Variants in LETM1 observed in about 807,000 individuals in gnomAD.
LETM1 encodes leucine zipper and EF-hand containing transmembrane protein 1.
In LETM1, 50 loss-of-function variants were observed where a neutral mutation model predicts 74.5. That is an observed-to-expected ratio of 0.67 (90% CI 0.53 to 0.85). The LOEUF (loss-of-function observed/expected upper bound fraction) is 0.85, where lower values mean the gene tolerates loss of function less well. Among genes scored for constraint, LETM1 ranks in the 40% least tolerant of loss-of-function variants. LETM1 has a pLI of 0.00. For synonymous variants in LETM1, 446 were observed against 407.1 expected (o/e 1.10, Z -1.15); for missense variants, 824 against 967.8 (o/e 0.85, Z 1.97).
intron 11 of LETM1, among the ~76,000 whole-genome samples, chr4:1,817,217 C>T (rs1484062718): frequency 7.2e-6 from 1 of 139,672 alleles, no homozygotes; most frequent in East Asian, 2.1e-4. Flanking sequence ...CGCACTCCAG[C>T]CTGGGCAACA....
intron 1 of LETM1, among the ~76,000 whole-genome samples, chr4:1,854,387 G>A (rs1322375683): frequency 6.6e-6 from 1 of 151,938 alleles, no homozygotes; most frequent in Non-Finnish European, 1.5e-5. Flanking sequence ...GGCTGAGGCA[G>A]GAGAATCGCT....
At chr4:1,814,821 T>C (rs753134063) in intron 13 of LETM1, among the ~76,000 whole-genome samples, 2 of 152,076 alleles carry the variant, frequency 1.3e-5, no homozygotes, top group Non-Finnish European at 2.9e-5. Flanking sequence ...GACAGCACAA[T>C]GGGGCTGCCA....
At chr4:1,833,169 T>C (rs1165021695) in intron 5 of LETM1, 1 of 548,642 alleles carries the variant, frequency 1.8e-6, no homozygotes, top group African/African-American at 1.9e-5. Flanking sequence ...CCTCCTGGGT[T>C]CAAGGGATTC....
At chr4:1,832,552 C>T (rs1577318806) in intron 6 of LETM1, among the ~76,000 whole-genome samples, 192 bp downstream of exon 6, 1 of 152,108 alleles carries the variant, frequency 6.6e-6, no homozygotes, top group African/African-American at 2.4e-5. Flanking sequence ...AGAGATCATC[C>T]GAGAAGGTGC....
At chr4:1,818,512 C>T (rs1325548366) in intron 11 of LETM1, among the ~76,000 whole-genome samples, 1 of 151,664 alleles carries the variant, frequency 6.6e-6, no homozygotes, top group South Asian at 2.1e-4. Context: ...ACTCAGGAGG[C>T]TGAGGCAGAA....
At chr4:1,844,756 A>G (rs1236916511) in intron 2 of LETM1, among the ~76,000 whole-genome samples, 1 of 151,492 alleles carries the variant, frequency 6.6e-6, no homozygotes, top group Admixed American at 6.6e-5. Context: ...AAAAAAAAAA[A>G]TGCTCTATCA....
At chr4:1,822,033 G>T in intron 10 of LETM1, 148 bp downstream of exon 10, 1 of 765,230 alleles carries the variant, frequency 1.3e-6, no homozygotes, top group Non-Finnish European at 1.9e-6. Flanking sequence ...GGGGCCCAGT[G>T]GCCTCATCCT....
At chr4:1,816,970 G>T (rs560625800) in intron 11 of LETM1, 56 bp from the exon 12 acceptor site, 12 of 1,449,722 alleles carry the variant, frequency 8.3e-6, no homozygotes, top group African/African-American at 2.8e-5. Context: ...AGGGGGTCAG[G>T]TGTAGTGGCT....
intron 6 of LETM1, among the ~76,000 whole-genome samples, chr4:1,828,303 G>A (rs1303047055): frequency 2.3e-5 from 3 of 128,386 alleles, no homozygotes; most frequent in East Asian, 2.5e-4. Flanking sequence ...CCTCCCGGAC[G>A]GGGCGGCTGG....
intron 2 of LETM1, among the ~76,000 whole-genome samples, chr4:1,844,763 A>G (rs1712820092): frequency 6.6e-6 from 1 of 151,298 alleles, no homozygotes; most frequent in South Asian, 2.1e-4. Flanking sequence ...AAAATGCTCT[A>G]TCAGCTGGGC....
chr4:1,821,604 C>G (rs1412027947), intron 10 of LETM1, among the ~76,000 whole-genome samples: 2 of 152,168 alleles, frequency 1.3e-5, no homozygotes, highest in Admixed American at 6.5e-5. Flanking sequence ...AGAAGAGTTG[C>G]TTGAACCTGG....
intron 3 of LETM1, among the ~76,000 whole-genome samples, chr4:1,838,452 G>C (rs1212715356): frequency 6.6e-6 from 1 of 152,114 alleles, no homozygotes; most frequent in Non-Finnish European, 1.5e-5. Flanking sequence ...CGAGGCAGCA[G>C]GACTGCTTGA....
At chr4:1,815,049 C>T (rs1214280404) in intron 13 of LETM1, among the ~76,000 whole-genome samples, 2 of 152,250 alleles carry the variant, frequency 1.3e-5, no homozygotes, top group Non-Finnish European at 2.9e-5. Context: ...CTGATGCATG[C>T]ACCGGGAGCC....
At position 1,823,012 on chromosome 4, in the gene LETM1, C is replaced by T. The variant is rs201513538; in HGVS notation, c.1452G>A (p.Glu484=). The part of the protein sequence containing the change: ...AAIQQEHREK[E]LQKRSEVAKD... ...CCGCCACCTCCGAGCGCTTCTGCAG[C>T]TCCTTCTCACGGTGCTCCTGCTGGA... is the stretch of plus-strand genomic sequence containing the variant. The change falls in exon 9 of 14, where the codon GAG becomes GAA. Residue 484 remains glutamate, a synonymous_variant. Transcript: ENST00000302787. 2 of 1,604,476 alleles carry T rather than the reference C, an allele frequency of 1.2e-6. No homozygotes were observed. Among genetic ancestry groups the T allele is most frequent in the East Asian group, 4.5e-5 (2 of 44,166 alleles).
At chr4:1,832,466 G>A (rs1308899001) in intron 6 of LETM1, among the ~76,000 whole-genome samples, 1 of 152,184 alleles carries the variant, frequency 6.6e-6, no homozygotes, top group Non-Finnish European at 1.5e-5. Flanking sequence ...CAGAGGCACT[G>A]TCATCAATAA....
At position 1,828,229 on chromosome 4, in the gene LETM1, A is replaced by G. The variant is rs867801237; in HGVS notation, c.1081-2546T>C. 6.9e-3 allele frequency among the ~76,000 whole-genome samples: 489 copies of G among 71,186 alleles called. 5 individuals are homozygous for G. Among genetic ancestry groups the G allele is most frequent in the African/African-American group, 0.025 (467 of 19,056 alleles). The allele number at this position is 71,186 out of a possible 152,430, so 46.7% of individuals were successfully genotyped here. On this transcript the variant is annotated intron_variant, in intron 6 of 13. Transcript: ENST00000302787. ...GCGGCTGGCCGGGCGGGGGGGGCTG[A>G]CCGCCCCCCACCTCCCTCCCGGACG...
At position 1,843,766 on chromosome 4, in the gene LETM1, C is replaced by T. The variant is rs900655306; in HGVS notation, c.144-1969G>A. ...GCTGGCCCAGCCCCAGCCACCATGT[C>T]TCTAGGTTCTCCTCAGCTCTGGGGT... On this transcript the variant is annotated intron_variant, in intron 2 of 13. Transcript: ENST00000302787. Among the ~76,000 whole-genome samples, 7 of 152,188 alleles carry T rather than the reference C, an allele frequency of 4.6e-5. No homozygotes were observed. The East Asian group carries it at 1.2e-3, about 25-fold the overall frequency.
intron 11 of LETM1, 133 bp downstream of exon 11, chr4:1,819,205 G>T: frequency 1.2e-6 from 1 of 864,000 alleles, no homozygotes; most frequent in Non-Finnish European, 1.7e-6. Context: ...TATTTATAAC[G>T]TGCTTTCCTC....
At chr4:1,838,561 C>T (rs1235747935) in intron 3 of LETM1, among the ~76,000 whole-genome samples, 4 of 152,162 alleles carry the variant, frequency 2.6e-5, no homozygotes, top group African/African-American at 9.7e-5. Context: ...TCTGTGGTCC[C>T]AGCTACACTG....
Sources: gnomAD v4.1 joint callset for allele counts (sites outside exome capture counted in the v4.1 genomes callset) on GRCh38, gnomAD v4.1.1 for gene constraint, MANE v1.5 for transcripts, NCBI Gene and HGNC (gene_info 2026-07-23, HGNC 2026-07-21) for gene names.